TMTC2: variants seen among roughly 807,000 people sequenced by gnomAD.
TMTC2 encodes transmembrane O-mannosyltransferase targeting cadherins 2, also known as protein O-mannosyl-transferase TMTC2.
Under a neutral mutation model 82.4 loss-of-function variants are expected in TMTC2, and 43 were observed. The observed-to-expected ratio is 0.52, with a 90% confidence interval of 0.41 to 0.67. TMTC2 has a LOEUF of 0.67. Among genes scored for constraint, TMTC2 ranks in the 30% least tolerant of loss-of-function variants. The pLI is 0.00. For missense variants in TMTC2, 919 were observed against 1,012.4 expected, an observed-to-expected ratio of 0.91 and a Z score of 1.25; for synonymous variants, 408 against 381.9, an observed-to-expected ratio of 1.07 and a Z score of -0.80.
At chr12:82,968,310 A>G (rs1050951936) in intron 7 of TMTC2, among the ~76,000 whole-genome samples, 6 of 152,180 alleles carry the variant, frequency 3.9e-5, no homozygotes, top group Non-Finnish European at 1.5e-5. Context: ...ATAAATTAAA[A>G]CAATGCCTTT....
rs1486153518 is a variant in TMTC2 at position 83,133,855 on chromosome 12, A to T, written c.*1466A>T. The stretch of plus-strand genomic sequence containing the variant: ...TATTCTACTATAGCAGAATAACAAA[A>T]CTTGATGCATTAAGCCAGTTCTTTG... On this transcript the variant is annotated 3_prime_UTR_variant, in exon 12 of 12. Transcript: ENST00000321196. The T allele has an allele frequency of 6.6e-6, 1 of 152,190 alleles. No homozygotes were observed. Among genetic ancestry groups the T allele is most frequent in the Non-Finnish European group, 1.5e-5 (1 of 68,036 alleles). 9.4% of individuals were successfully genotyped at this position (152,190 alleles called of 1,614,324 possible).
chr12:83,062,380 A>G (rs972637268), intron 11 of TMTC2, among the ~76,000 whole-genome samples: 7 of 151,780 alleles, frequency 4.6e-5, no homozygotes, highest in Non-Finnish European at 8.8e-5. Flanking sequence ...CTATTGAAAT[A>G]GAGTAACCAT....
At chr12:82,869,498 A>G (rs911248671) in intron 2 of TMTC2, among the ~76,000 whole-genome samples, 1 of 152,128 alleles carries the variant, frequency 6.6e-6, no homozygotes, top group Admixed American at 6.5e-5. Context: ...TTATAGCTGG[A>G]ATGGTATACT....
chr12:83,014,926 A>G (rs1356791485), intron 8 of TMTC2, among the ~76,000 whole-genome samples: 3 of 152,130 alleles, frequency 2.0e-5, no homozygotes, highest in African/African-American at 7.2e-5. Flanking sequence ...TCACAGTCTC[A>G]TTGAGAGGTA....
At chr12:82,746,276 A>T (rs566799368) in intron 1 of TMTC2, among the ~76,000 whole-genome samples, 1 of 152,200 alleles carries the variant, frequency 6.6e-6, no homozygotes, top group Non-Finnish European at 1.5e-5. Flanking sequence ...TAACATCAAC[A>T]TCTTGTCCAT....
At chr12:83,046,072 A>G (rs1349613563) in intron 9 of TMTC2, among the ~76,000 whole-genome samples, 1 of 152,098 alleles carries the variant, frequency 6.6e-6, no homozygotes, top group Non-Finnish European at 1.5e-5. Context: ...GCTTTTTACT[A>G]AACTGTCACT....
At chr12:82,794,137 G>A (rs1216805322) in intron 1 of TMTC2, among the ~76,000 whole-genome samples, 4 of 152,098 alleles carry the variant, frequency 2.6e-5, no homozygotes, top group Non-Finnish European at 4.4e-5. Context: ...CATGTGACTT[G>A]GTCCCGGGAC....
At chr12:82,967,292 A>G (rs1010301346) in intron 7 of TMTC2, among the ~76,000 whole-genome samples, 8 of 152,152 alleles carry the variant, frequency 5.3e-5, no homozygotes, top group Admixed American at 5.2e-4. Context: ...GTAGAAATAA[A>G]TAAGCTATAT....
chr12:82,883,055 CAAAAAAAAAAAA>C (rs66496024), intron 2 of TMTC2, among the ~76,000 whole-genome samples: 3,282 of 68,348 alleles, frequency 0.048, 163 homozygotes, highest in African/African-American at 0.1. Flanking sequence ...AACTTGGTCT[CAAAAAAAAAAAA>C]AAAAAAAAAA....
At chr12:83,086,981 A>T (rs566695499) in intron 11 of TMTC2, among the ~76,000 whole-genome samples, 1 of 152,310 alleles carries the variant, frequency 6.6e-6, no homozygotes, top group East Asian at 1.9e-4. Flanking sequence ...TTCCTTTCAC[A>T]AAAGATTTCT....
chr12:82,922,667 G>T (rs1307694334), intron 3 of TMTC2, among the ~76,000 whole-genome samples: 1 of 152,034 alleles, frequency 6.6e-6, no homozygotes, highest in African/African-American at 2.4e-5. Flanking sequence ...TGTATGTAAT[G>T]TATTTGATTT....
At chr12:82,869,282 AT>A (rs971246085) in intron 2 of TMTC2, among the ~76,000 whole-genome samples, 2 of 152,062 alleles carry the variant, frequency 1.3e-5, no homozygotes, top group Admixed American at 6.6e-5. Context: ...CCGAATAAGA[AT>A]TTTTTGGTCT....
At chr12:82,945,026 T>A (rs1197004669) in intron 4 of TMTC2, among the ~76,000 whole-genome samples, 1 of 152,212 alleles carries the variant, frequency 6.6e-6, no homozygotes, top group Non-Finnish European at 1.5e-5. Flanking sequence ...AGTTCTTAAA[T>A]GCTTTCAAAT....
intron 7 of TMTC2, among the ~76,000 whole-genome samples, chr12:82,982,598 A>G (rs1878972972): frequency 6.6e-6 from 1 of 151,972 alleles, no homozygotes; most frequent in South Asian, 2.1e-4. Context: ...ACATATGCGT[A>G]GAAAGCAGTT....
At chr12:83,063,252 G>A (rs1882805654) in intron 11 of TMTC2, among the ~76,000 whole-genome samples, 1 of 151,072 alleles carries the variant, frequency 6.6e-6, no homozygotes, top group South Asian at 2.1e-4. Flanking sequence ...CAGGGGAGAA[G>A]GGAGGGAGAA....
intron 1 of TMTC2, among the ~76,000 whole-genome samples, chr12:82,825,583 C>T (rs11115449): frequency 0.17 from 25,138 of 151,950 alleles, 3,801 homozygotes; most frequent in African/African-American, 0.41. Flanking sequence ...GTAGGCAGTA[C>T]GTCTATTATT....
chr12:83,127,627 A>G (rs1885135623), intron 11 of TMTC2, among the ~76,000 whole-genome samples: 1 of 152,138 alleles, frequency 6.6e-6, no homozygotes, highest in Non-Finnish European at 1.5e-5. Context: ...TAGTCTTACT[A>G]TTCCTTTTCT....
intron 3 of TMTC2, among the ~76,000 whole-genome samples, chr12:82,924,816 A>G (rs1875607828): frequency 6.6e-6 from 1 of 152,160 alleles, no homozygotes; most frequent in Non-Finnish European, 1.5e-5. Context: ...AGAGGAGTCA[A>G]GAGTGACATT....
intron 1 of TMTC2, among the ~76,000 whole-genome samples, chr12:82,819,618 C>T (rs560321179): frequency 6.6e-6 from 1 of 151,252 alleles, no homozygotes; most frequent in African/African-American, 2.4e-5. Flanking sequence ...TCTCCTGCCT[C>T]AGCCTCTTTA....
Sources: allele counts gnomAD v4.1 joint callset (sites outside exome capture counted in the v4.1 genomes callset), GRCh38; gene constraint gnomAD v4.1.1; transcripts MANE v1.5; gene names NCBI Gene and HGNC (gene_info 2026-07-23, HGNC 2026-07-21).